FGD4: variants seen among roughly 807,000 people sequenced by gnomAD.
FGD4 encodes the protein FYVE, RhoGEF and PH domain-containing protein 4.
Under a neutral mutation model 102.0 loss-of-function variants are expected in FGD4, and 42 were observed. That is an observed-to-expected ratio of 0.41 (90% CI 0.32 to 0.53). The LOEUF (loss-of-function observed/expected upper bound fraction) is 0.53, where lower values mean the gene tolerates loss of function less well. Ranked by LOEUF, FGD4 falls within the 20% of genes least tolerant of loss-of-function variation. The pLI, the probability that FGD4 is intolerant of heterozygous loss-of-function variation, is 0.21. For missense variants in FGD4, 902 were observed against 1,078.2 expected (o/e 0.84, Z 2.29); for synonymous variants, 380 against 375.7 (o/e 1.01, Z -0.13).
At chr12:32,518,779 T>C (rs1047161985) in intron 1 of FGD4, among the ~76,000 whole-genome samples, 1 of 151,800 alleles carries the variant, frequency 6.6e-6, no homozygotes, top group Non-Finnish European at 1.5e-5. Context: ...TTTAAACAAG[T>C]TGTGAGACTA....
intron 5 of FGD4, among the ~76,000 whole-genome samples, chr12:32,600,707 GTA>G (rs1948369725): frequency 6.6e-6 from 1 of 151,334 alleles, no homozygotes; most frequent in Non-Finnish European, 1.5e-5. Flanking sequence ...AAGCAGGTAA[GTA>G]TCTGAGAATT....
chr12:32,438,865 C>T (rs866757984), intron 1 of FGD4, among the ~76,000 whole-genome samples: 4 of 152,102 alleles, frequency 2.6e-5, no homozygotes, highest in Non-Finnish European at 2.9e-5. Flanking sequence ...GCCTTGGCCT[C>T]CCAAAGTGCT....
chr12:32,535,944 T>C (rs932228131), intron 1 of FGD4, among the ~76,000 whole-genome samples: 2 of 152,200 alleles, frequency 1.3e-5, no homozygotes, highest in African/African-American at 4.8e-5. Flanking sequence ...CAATATGGAC[T>C]TTATAAGTTC....
At chr12:32,432,311 C>A (rs1474247267) in intron 1 of FGD4, among the ~76,000 whole-genome samples, 1 of 150,138 alleles carries the variant, frequency 6.7e-6, no homozygotes, top group African/African-American at 2.4e-5. Flanking sequence ...CCGCCTGCCT[C>A]GGCCTCCCAA....
Position 32,470,463 on chromosome 12 carries a change from CTTTTTTTT to C in FGD4, c.166+70515_166+70522del, listed in dbSNP as rs551854980. On this transcript the variant is annotated intron_variant, in intron 1 of 16. Transcript: ENST00000534526. ...CTTCGAAGTTTTCTTTTTTCTTTTT[CTTTTTTTT>C]TTTTTTTTTTGAGTTGCAGTCTTGC... 2.3e-4 allele frequency among the ~76,000 whole-genome samples: 30 copies of C among 130,846 alleles called. 1 individual carries two copies. The highest frequency in any genetic ancestry group is 1.6e-3 in the Admixed American group (20 of 12,766). The allele number at this position is 130,846 out of a possible 152,430, so 85.8% of individuals were successfully genotyped here.
intron 1 of FGD4, among the ~76,000 whole-genome samples, chr12:32,530,373 C>T (rs1941677049): frequency 6.6e-6 from 1 of 152,120 alleles, no homozygotes; most frequent in Admixed American, 6.5e-5. Flanking sequence ...ATTCCAGCTA[C>T]TAGAGAAGCT....
chr12:32,404,819 GTGCATGAATATCATTAA>G (rs1319655301), intron 1 of FGD4, among the ~76,000 whole-genome samples: 1 of 152,172 alleles, frequency 6.6e-6, no homozygotes, highest in Non-Finnish European at 1.5e-5. Context: ...TGGTGTGCAT[GTGCATGAATATCATTAA>G]TGCTTCTTAG....
chr12:32,616,497 T>C (rs1480194468), intron 10 of FGD4, among the ~76,000 whole-genome samples: 2 of 152,354 alleles, frequency 1.3e-5, no homozygotes, highest in East Asian at 3.9e-4. Flanking sequence ...TGTTGGTTCT[T>C]TTCATCCACC....
intron 2 of FGD4, among the ~76,000 whole-genome samples, chr12:32,574,463 C>A (rs1456413495): frequency 1.3e-5 from 2 of 151,504 alleles, no homozygotes; most frequent in East Asian, 3.9e-4. Flanking sequence ...ACTTATTCTA[C>A]ACAGAAGTTT....
intron 1 of FGD4, among the ~76,000 whole-genome samples, chr12:32,461,010 A>AT (rs1225290023): frequency 6.6e-6 from 1 of 152,192 alleles, no homozygotes; most frequent in Admixed American, 6.5e-5. Context: ...TACTAGTTGA[A>AT]TTTTTTATAA....
intron 4 of FGD4, among the ~76,000 whole-genome samples, chr12:32,597,520 A>G (rs1236421393): frequency 2.0e-5 from 3 of 152,196 alleles, no homozygotes; most frequent in African/African-American, 7.2e-5. Flanking sequence ...AAGTAGTAAT[A>G]AATGTCCAGC....
At chr12:32,532,855 C>T (rs1173211555) in intron 1 of FGD4, among the ~76,000 whole-genome samples, 1 of 152,060 alleles carries the variant, frequency 6.6e-6, no homozygotes, top group Non-Finnish European at 1.5e-5. Flanking sequence ...GTACTATTAC[C>T]CTATTCTGTA....
intron 11 of FGD4, among the ~76,000 whole-genome samples, chr12:32,623,313 G>A (rs2136922086): frequency 6.6e-6 from 1 of 152,246 alleles, no homozygotes. Context: ...CAACAGAAAT[G>A]TGGTGGCAAG....
At chr12:32,446,810 A>G (rs1351394996) in intron 1 of FGD4, among the ~76,000 whole-genome samples, 2 of 152,176 alleles carry the variant, frequency 1.3e-5, no homozygotes, top group African/African-American at 2.4e-5. Context: ...TAGAGATACC[A>G]AAGACCTGCA....
intron 1 of FGD4, among the ~76,000 whole-genome samples, chr12:32,404,958 G>A (rs925522978): frequency 1.3e-5 from 2 of 151,924 alleles, no homozygotes; most frequent in African/African-American, 4.8e-5. Context: ...TTTTGAGACG[G>A]AGTCTGGCTC....
At chr12:32,429,688 GC>G (rs1276344703) in intron 1 of FGD4, among the ~76,000 whole-genome samples, 1 of 152,236 alleles carries the variant, frequency 6.6e-6, no homozygotes, top group African/African-American at 2.4e-5. Context: ...CCTGACTGGG[GC>G]TGCTGCCTTT....
Position 32,642,436 on chromosome 12 carries a change from T to C in FGD4, c.*1903T>C, listed in dbSNP as rs1393137523. The C allele has an allele frequency of 1.3e-5, 2 of 152,076 alleles. No individual in the cohort carries two copies. The highest frequency in any genetic ancestry group is 4.8e-5 in the African/African-American group (2 of 41,430). 9.4% of individuals were successfully genotyped at this position (152,076 alleles called of 1,614,324 possible). On this transcript the variant is annotated 3_prime_UTR_variant, in exon 17 of 17. Coordinates refer to ENST00000534526, the MANE Select transcript of FGD4 (RefSeq NM_001370298.3). ...ATGATTAACTGGGGAAGAGGACTTTTGTAAGTGTGACTAGAACAATGGTAA... is the reference window on the plus strand; with the variant it reads ...ATGATTAACTGGGGAAGAGGACTTTCGTAAGTGTGACTAGAACAATGGTAA...
intron 9 of FGD4, 64 bp downstream of exon 9, chr12:32,610,898 T>A: frequency 6.6e-7 from 1 of 1,522,682 alleles, no homozygotes; most frequent in Non-Finnish European, 9.1e-7. Context: ...ACTGCCTCAA[T>A]ACTATGTAGA....
intron 15 of FGD4, chr12:32,637,933 T>C (rs1420736923): frequency 6.5e-6 from 1 of 152,694 alleles, no homozygotes; most frequent in Non-Finnish European, 1.5e-5. Context: ...GGCCTAACCA[T>C]ATCACTCTAC....
Sources: allele counts gnomAD v4.1 joint callset (sites outside exome capture counted in the v4.1 genomes callset), GRCh38; gene constraint gnomAD v4.1.1; transcripts MANE v1.5; gene names NCBI Gene and HGNC (gene_info 2026-07-23, HGNC 2026-07-21).